Variants in MID2 observed in about 807,000 individuals in gnomAD.
The protein encoded by MID2 is probable E3 ubiquitin-protein ligase MID2.
In MID2, 13 loss-of-function variants were observed where a neutral mutation model predicts 46.1. The observed-to-expected ratio is 0.28, with a 90% CI of 0.18 to 0.45. MID2 has a LOEUF of 0.45. Among genes scored for constraint, MID2 ranks in the 20% least tolerant of loss-of-function variants. The pLI is 1.00. For missense variants in MID2, 431 were observed against 575.4 expected, an observed-to-expected ratio of 0.75 and a Z score of 2.57; for synonymous variants, 199 against 212.3, an observed-to-expected ratio of 0.94 and a Z score of 0.55.
chrX:107,874,727 C>T (rs190470705), intron 3 of MID2, among the ~76,000 whole-genome samples: 1 of 111,688 alleles, frequency 9.0e-6, no homozygotes, highest in Non-Finnish European at 1.9e-5. Flanking sequence ...ACTATTTCAC[C>T]ATACCCAAGT....
rs1398357957 is a variant in MID2 at position 107,931,379 on chromosome X, A to G, written c.*4306A>G. On this transcript the variant is annotated 3_prime_UTR_variant, in exon 10 of 10. Coordinates refer to ENST00000262843, the MANE Select transcript of MID2 (RefSeq NM_012216.4). ...ATCAGGTCAGACAAAACTGCCTTTTATGGTGTAGTCTGCCAGCTTCAGACA... is the reference window on the plus strand; with the variant it reads ...ATCAGGTCAGACAAAACTGCCTTTTGTGGTGTAGTCTGCCAGCTTCAGACA... 8.9e-6 allele frequency among the ~76,000 whole-genome samples: 1 copy of G among 111,866 alleles called. No homozygotes were observed. The highest frequency in any genetic ancestry group is 1.9e-5 in the Non-Finnish European group (1 of 53,186).
intron 2 of MID2, among the ~76,000 whole-genome samples, chrX:107,850,267 A>G (rs1008421291): frequency 5.1e-4 from 57 of 111,332 alleles, no homozygotes; most frequent in African/African-American, 1.9e-3. Flanking sequence ...ACTTGGCCAA[A>G]TCAATCAAAT....
chrX:107,918,869 C>T (rs1933019290), intron 7 of MID2, among the ~76,000 whole-genome samples: 1 of 112,351 alleles, frequency 8.9e-6, no homozygotes, highest in South Asian at 3.7e-4. Context: ...TGACAAAGAT[C>T]TAAAGGTTGT....
intron 1 of MID2, among the ~76,000 whole-genome samples, chrX:107,829,732 C>T (rs982396034): frequency 4.5e-5 from 5 of 111,394 alleles, no homozygotes; most frequent in Non-Finnish European, 5.7e-5. Context: ...CTGTGCAGGA[C>T]ATGGGTAGAG....
intron 3 of MID2, chrX:107,895,692 A>G (rs955972340): frequency 2.7e-5 from 3 of 112,020 alleles, no homozygotes; most frequent in Admixed American, 9.5e-5. Flanking sequence ...TAAATACACA[A>G]GGATGAGAGC....
At chrX:107,831,618 T>C (rs1215702446) in intron 1 of MID2, among the ~76,000 whole-genome samples, 1 of 112,229 alleles carries the variant, frequency 8.9e-6, no homozygotes, top group East Asian at 2.8e-4. Flanking sequence ...CTGTTCTCTG[T>C]CCCTTGTTTC....
At chrX:107,861,202 G>T (rs1198679719) in intron 3 of MID2, among the ~76,000 whole-genome samples, 1 of 112,291 alleles carries the variant, frequency 8.9e-6, no homozygotes, top group Non-Finnish European at 1.9e-5. Context: ...AAATGTGGAA[G>T]ATTTGATGAG....
intron 1 of MID2, among the ~76,000 whole-genome samples, chrX:107,833,429 A>ATTTT (rs1192153525): frequency 1.9e-5 from 2 of 104,419 alleles, no homozygotes; most frequent in African/African-American, 7.2e-5. Context: ...ATATATATAT[A>ATTTT]TTTTTTTTAA....
At chrX:107,922,848 GTTTGTC>G (rs1417198657) in intron 7 of MID2, among the ~76,000 whole-genome samples, 1 of 111,574 alleles carries the variant, frequency 9.0e-6, no homozygotes, top group Non-Finnish European at 1.9e-5. Context: ...TCATTGTGAA[GTTTGTC>G]TTTGTATTGT....
chrX:107,887,506 T>A (rs1369923140), intron 3 of MID2, among the ~76,000 whole-genome samples: 5 of 111,960 alleles, frequency 4.5e-5, no homozygotes, highest in African/African-American at 1.6e-4. Flanking sequence ...GTTTTTGATG[T>A]GCTGCTGGAT....
rs924092391 is a variant in MID2 at position 107,929,291 on chromosome X, CA to C, written c.*2227del. Among the ~76,000 whole-genome samples the C allele has an allele frequency of 3.1e-4, 34 of 108,535 alleles. No individual in the cohort carries two copies. Among genetic ancestry groups the C allele is most frequent in the South Asian group, 1.6e-3 (4 of 2,496 alleles). 94.2% of individuals were successfully genotyped at this position (108,535 alleles called of 115,157 possible). On this transcript the variant is annotated 3_prime_UTR_variant, in exon 10 of 10. Coordinates refer to ENST00000262843, the MANE Select transcript of MID2 (RefSeq NM_012216.4). ...TAGGGCATATCCCCAAATTCTTAAACAAAAAAAAATGATTTTTTTCCCCTTC... is the reference window on the plus strand; with the variant it reads ...TAGGGCATATCCCCAAATTCTTAAACAAAAAAAATGATTTTTTTCCCCTTC...
intron 5 of MID2, among the ~76,000 whole-genome samples, chrX:107,906,865 C>T (rs1037219714): frequency 1.2e-4 from 14 of 112,538 alleles, no homozygotes; most frequent in Admixed American, 5.6e-4. Context: ...GGATTACAGG[C>T]GTGAGCCACT....
chrX:107,907,717 C>T (rs1428116123), intron 5 of MID2, among the ~76,000 whole-genome samples: 1 of 111,809 alleles, frequency 8.9e-6, no homozygotes, highest in African/African-American at 3.2e-5. Flanking sequence ...TCGCGAAAGA[C>T]TTTACATTTC....
At chrX:107,883,283 T>A (rs910339459) in intron 3 of MID2, among the ~76,000 whole-genome samples, 1 of 110,998 alleles carries the variant, frequency 9.0e-6, no homozygotes, top group Non-Finnish European at 1.9e-5. Context: ...CAAACCACCA[T>A]GGCACGTGTA....
intron 3 of MID2, among the ~76,000 whole-genome samples, chrX:107,887,377 A>G (rs1424238937): frequency 8.9e-6 from 1 of 112,113 alleles, no homozygotes; most frequent in African/African-American, 3.2e-5. Context: ...ATCTATTGAG[A>G]TAATCATCTG....
chrX:107,881,701 A>G (rs753790553), intron 3 of MID2, among the ~76,000 whole-genome samples: 30 of 112,400 alleles, frequency 2.7e-4, no homozygotes, highest in Non-Finnish European at 5.4e-4. Context: ...TTAATTATTC[A>G]TTAGAAATAT....
intron 3 of MID2, among the ~76,000 whole-genome samples, chrX:107,859,693 A>C (rs1224747803): frequency 8.9e-6 from 1 of 112,760 alleles, no homozygotes; most frequent in Non-Finnish European, 1.9e-5. Flanking sequence ...TGAGAAACTT[A>C]GGAAAGGCTG....
At chrX:107,898,198 C>T (rs1001603735) in intron 3 of MID2, among the ~76,000 whole-genome samples, 7 of 112,082 alleles carry the variant, frequency 6.2e-5, no homozygotes, top group African/African-American at 2.3e-4. Flanking sequence ...AAGATCCTGA[C>T]ATTTTTATCC....
chrX:107,876,700 C>T (rs781178347), intron 3 of MID2, among the ~76,000 whole-genome samples: 1 of 111,961 alleles, frequency 8.9e-6, no homozygotes, highest in South Asian at 3.8e-4. Flanking sequence ...TGCAGAATGG[C>T]GTGCTTCTCA....
Sources: allele counts gnomAD v4.1 joint callset (sites outside exome capture counted in the v4.1 genomes callset), GRCh38; gene constraint gnomAD v4.1.1; transcripts MANE v1.5; gene names NCBI Gene and HGNC (gene_info 2026-07-23, HGNC 2026-07-21).